ATE1: variants seen among roughly 807,000 people sequenced by gnomAD.
ATE1 encodes arginyltransferase 1.
In ATE1, 36 loss-of-function variants were observed where a neutral mutation model predicts 70.5. That is an observed-to-expected ratio of 0.51 (90% CI 0.39 to 0.67). ATE1 has a LOEUF of 0.67. Ranked by LOEUF, ATE1 falls within the 30% of genes least tolerant of loss-of-function variation. The pLI is 0.00. For missense variants in ATE1, 593 were observed against 629.5 expected (o/e 0.94, Z 0.62); for synonymous variants, 232 against 219.3 (o/e 1.06, Z -0.51).
intron 11 of ATE1, among the ~76,000 whole-genome samples, chr10:121,773,628 C>CA (rs953239208): frequency 2.0e-5 from 3 of 151,396 alleles, no homozygotes; most frequent in Non-Finnish European, 4.4e-5. Flanking sequence ...CATCCAGGGA[C>CA]TTTTTTTTTA....
chr10:121,886,513 G>A (rs1333887422), intron 7 of ATE1, among the ~76,000 whole-genome samples: 1 of 152,156 alleles, frequency 6.6e-6, no homozygotes, highest in African/African-American at 2.4e-5. Context: ...TCCAGGGTGA[G>A]TGTCCAACCT....
chr10:121,818,092 C>T (rs569164957), intron 10 of ATE1, among the ~76,000 whole-genome samples: 1 of 151,534 alleles, frequency 6.6e-6, no homozygotes, highest in South Asian at 2.1e-4. Flanking sequence ...AGTGAGACCC[C>T]GTCTCTAGAA....
chr10:121,908,675 G>T (rs1192931826), intron 5 of ATE1, among the ~76,000 whole-genome samples: 3 of 152,154 alleles, frequency 2.0e-5, no homozygotes, highest in Admixed American at 2.0e-4. Context: ...CTAACAAAAA[G>T]AGAAGCACCC....
chr10:121,818,256 CAAAAAAAA>C (rs66792557), intron 10 of ATE1, among the ~76,000 whole-genome samples: 1 of 63,408 alleles, frequency 1.6e-5, no homozygotes, highest in South Asian at 9.2e-4. Context: ...GACTCCATCT[CAAAAAAAA>C]AAAAAAAAAA....
At chr10:121,905,921 A>G (rs891855583) in intron 5 of ATE1, among the ~76,000 whole-genome samples, 8 of 152,172 alleles carry the variant, frequency 5.3e-5, no homozygotes, top group African/African-American at 1.9e-4. Flanking sequence ...TTGCTTCAAC[A>G]GAATGAAAAT....
intron 11 of ATE1, among the ~76,000 whole-genome samples, chr10:121,758,143 T>G (rs1944883642): frequency 6.6e-6 from 1 of 152,180 alleles, no homozygotes; most frequent in East Asian, 1.9e-4. Flanking sequence ...AGCTAATAAT[T>G]TTTTTAAAAT....
In ATE1 at chr10:121,853,914, T is replaced by G. The variant is rs1276158033; in HGVS notation, c.976-12651A>C. Among the ~76,000 whole-genome samples the G allele has an allele frequency of 5.3e-5, 8 of 152,306 alleles. No individual in the cohort carries two copies. In the East Asian group the frequency reaches 1.4e-3, roughly 26 times the overall value. Reference sequence around the variant, plus strand: ...TCACATGATGGTAGGGGAAGGTAGCTCCCTTCAACCACTTTTATAATGGCA... The same window carrying G: ...TCACATGATGGTAGGGGAAGGTAGCGCCCTTCAACCACTTTTATAATGGCA... On this transcript the variant is annotated intron_variant, in intron 8 of 11. Transcript: ENST00000224652.
intron 11 of ATE1, among the ~76,000 whole-genome samples, chr10:121,751,834 C>A (rs1373509011): frequency 6.6e-6 from 1 of 151,318 alleles, no homozygotes. Context: ...AATTTTTTTT[C>A]TTTTGTTGCC....
intron 8 of ATE1, among the ~76,000 whole-genome samples, chr10:121,849,593 C>G (rs1948977649): frequency 6.6e-6 from 1 of 152,226 alleles, no homozygotes; most frequent in South Asian, 2.1e-4. Context: ...CCTATCTACT[C>G]TGCCTCCCAT....
chr10:121,896,359 C>A (rs1431552098), intron 7 of ATE1, among the ~76,000 whole-genome samples: 1 of 152,104 alleles, frequency 6.6e-6, no homozygotes, highest in Non-Finnish European at 1.5e-5. Flanking sequence ...TAAAATAGTA[C>A]AGCAAAATAA....
At chr10:121,797,715 T>C (rs1946716076) in intron 10 of ATE1, among the ~76,000 whole-genome samples, 1 of 152,124 alleles carries the variant, frequency 6.6e-6, no homozygotes, top group Non-Finnish European at 1.5e-5. Flanking sequence ...TTCGCCACAC[T>C]GGCTTCCTTG....
chr10:121,785,981 C>T (rs1033789472), intron 11 of ATE1, among the ~76,000 whole-genome samples: 1 of 151,450 alleles, frequency 6.6e-6, no homozygotes, highest in Non-Finnish European at 1.5e-5. Context: ...TCTTAGTAGC[C>T]CCCTTGAAAT....
intron 6 of ATE1, among the ~76,000 whole-genome samples, chr10:121,901,656 GT>G: frequency 6.6e-6 from 1 of 151,964 alleles, no homozygotes; most frequent in Admixed American, 6.6e-5. Context: ...GGGTTTCACT[GT>G]GTTGGCCAAG....
chr10:121,895,754 T>C (rs1404107885), intron 7 of ATE1, among the ~76,000 whole-genome samples: 2 of 152,248 alleles, frequency 1.3e-5, no homozygotes, highest in South Asian at 2.1e-4. Flanking sequence ...CAAAATCTCA[T>C]TGCTACTAAA....
At chr10:121,829,686 G>A (rs958280680) in intron 10 of ATE1, among the ~76,000 whole-genome samples, 20 of 151,140 alleles carry the variant, frequency 1.3e-4, no homozygotes, top group African/African-American at 4.9e-4. Flanking sequence ...TCCAGCCTGG[G>A]CGACAGAGCG....
chr10:121,752,509 G>A (rs10466159), intron 11 of ATE1, among the ~76,000 whole-genome samples: 122,055 of 151,896 alleles, frequency 0.8, 49,643 homozygotes, highest in Non-Finnish European at 0.88. Context: ...GATTACAGGC[G>A]TGAGCCACCG....
At chr10:121,781,660 G>A (rs1945996436) in intron 11 of ATE1, among the ~76,000 whole-genome samples, 1 of 152,184 alleles carries the variant, frequency 6.6e-6, no homozygotes, top group African/African-American at 2.4e-5. Flanking sequence ...TGCTTTTGGA[G>A]AGAAACTAAG....
chr10:121,894,589 G>A (rs1447964497), intron 7 of ATE1, among the ~76,000 whole-genome samples: 1 of 152,032 alleles, frequency 6.6e-6, no homozygotes, highest in Non-Finnish European at 1.5e-5. Flanking sequence ...CAGTAACAAA[G>A]ACAATCCAAT....
intron 7 of ATE1, chr10:121,898,982 G>A: frequency 6.2e-7 from 1 of 1,611,430 alleles, no homozygotes; most frequent in Non-Finnish European, 8.5e-7. Flanking sequence ...TCAGAGCAAG[G>A]AAAATACAAG....
Sources: gnomAD v4.1 joint callset for allele counts (sites outside exome capture counted in the v4.1 genomes callset) on GRCh38, gnomAD v4.1.1 for gene constraint, MANE v1.5 for transcripts, NCBI Gene and HGNC (gene_info 2026-07-23, HGNC 2026-07-21) for gene names.